LASP1: variants seen among roughly 807,000 people sequenced by gnomAD.
LASP1 encodes the protein LIM and SH3 domain protein 1.
In LASP1, 10 loss-of-function variants were observed where a neutral mutation model predicts 38.6. That is an observed-to-expected ratio of 0.26 (90% confidence interval 0.16 to 0.44). The LOEUF is 0.44. Ranked by LOEUF, LASP1 falls within the 20% of genes least tolerant of loss-of-function variation. The probability of loss-of-function intolerance (pLI) is 1.00; values close to 1 mark genes in which losing one functional copy is unlikely to be tolerated. For missense variants in LASP1, 243 were observed against 375.7 expected (o/e 0.65, Z 2.92); for synonymous variants, 132 against 140.8 (o/e 0.94, Z 0.44).
At chr17:38,883,296 C>T (rs558423420) in intron 2 of LASP1, among the ~76,000 whole-genome samples, 2 of 152,200 alleles carry the variant, frequency 1.3e-5, no homozygotes, top group South Asian at 4.1e-4. Context: ...AGGAGGATTA[C>T]TTGAGTCTGG....
intron 4 of LASP1, 163 bp downstream of exon 4, chr17:38,898,682 C>T (rs750355011): frequency 1.5e-6 from 1 of 680,476 alleles, no homozygotes; most frequent in Non-Finnish European, 2.7e-6. Flanking sequence ...TCCCAGATGC[C>T]TCTTCTCTGT....
At chr17:38,878,596 TTC>T (rs1913850369) in intron 2 of LASP1, among the ~76,000 whole-genome samples, 1 of 152,180 alleles carries the variant, frequency 6.6e-6, no homozygotes, top group African/African-American at 2.4e-5. Context: ...GAGGACTTTG[TTC>T]TGTTTACCTT....
chr17:38,898,532 C>T lies in LASP1; in HGVS notation c.357+13C>T, dbSNP rs115706870. The stretch of plus-strand genomic sequence containing the variant: ...CCAGATCAGTAACGTGAGCTCTTGC[C>T]CTGCCCTGCGGCATCCCTGCTGCCC... On this transcript the variant is annotated intron_variant, in intron 4 of 6. Coordinates refer to ENST00000318008, the MANE Select transcript of LASP1 (RefSeq NM_006148.4). 2.2e-3 allele frequency: 3,330 copies of T among 1,530,850 alleles called. 58 individuals carry two copies. In the African/African-American group the frequency reaches 0.04, roughly 18 times the overall value. 94.8% of individuals were successfully genotyped at this position (1,530,850 alleles called of 1,614,324 possible).
At chr17:38,871,048 C>A (rs1053290743) in intron 1 of LASP1, among the ~76,000 whole-genome samples, 1 of 150,102 alleles carries the variant, frequency 6.7e-6, no homozygotes, top group Admixed American at 6.7e-5. Context: ...GCCAGGAGAC[C>A]GTGTGGAAGA....
intron 3 of LASP1, 29 bp downstream of exon 3, chr17:38,890,533 G>C: frequency 2.5e-6 from 4 of 1,598,162 alleles, no homozygotes; most frequent in Non-Finnish European, 3.4e-6. Flanking sequence ...CTGGGGCCTG[G>C]CAGGGAGGGA....
rs1915254663 is a variant in LASP1, at chr17:38,920,014, T to A, written c.*1236T>A. 1.9e-6 allele frequency: 1 copy of A among 535,230 alleles called. No homozygotes were observed. The allele number at this position is 535,230 out of a possible 1,614,324, so 33.2% of individuals were successfully genotyped here. A position where few individuals can be genotyped will look rare whatever the true frequency, so the allele number is the denominator to read the frequency against. The stretch of plus-strand genomic sequence containing the variant: ...ACCCACAGTGAGAGGGGAGGGCTCC[T>A]GGGGCAGAGAAGTTCCTTAGGTTTT... On this transcript the variant is annotated 3_prime_UTR_variant, in exon 7 of 7. Transcript: ENST00000318008.
intron 4 of LASP1, among the ~76,000 whole-genome samples, chr17:38,905,496 A>G (rs2143805980): frequency 6.9e-6 from 1 of 143,922 alleles, no homozygotes; most frequent in East Asian, 2.1e-4. Context: ...GCACCACTGC[A>G]TTCCAGCCTG....
chr17:38,900,384 A>AAAAAAAAAAAAG (rs1914609292), intron 4 of LASP1, among the ~76,000 whole-genome samples: 2 of 150,184 alleles, frequency 1.3e-5, no homozygotes, highest in African/African-American at 4.9e-5. Context: ...TGTTTCCAAA[A>AAAAAAAAAAAAG]AAAAAAAGGA....
In LASP1 at chr17:38,903,834, G is replaced by A. The variant is rs546056365; in HGVS notation, c.357+5315G>A. On this transcript the variant is annotated intron_variant, in intron 4 of 6. Transcript: ENST00000318008. ...TGTGTGGAAGTGAGGAAAGGGGCCA[G>A]TATATTACACATCTATGGTGAGTAG... 8 of 152,376 alleles carry A rather than the reference G, an allele frequency of 5.3e-5. No homozygotes were observed. In the South Asian group the frequency reaches 1.4e-3, roughly 28 times the overall value. The allele number at this position is 152,376 out of a possible 1,614,324, so 9.4% of individuals were successfully genotyped here.
At chr17:38,884,762 C>T (rs900183685) in intron 2 of LASP1, among the ~76,000 whole-genome samples, 7 of 140,370 alleles carry the variant, frequency 5.0e-5, no homozygotes, top group African/African-American at 1.9e-4. Context: ...GTGATCTCGG[C>T]TCACTACAAC....
rs2143826892 is a variant in LASP1 at position 38,914,396 on chromosome 17, T to C, written c.429T>C (p.Arg143=). The C allele has an allele frequency of 1.9e-6, 3 of 1,611,966 alleles. No homozygotes were observed. Among genetic ancestry groups the C allele is most frequent in the Non-Finnish European group, 2.5e-6 (3 of 1,179,938 alleles). Residue 143 remains arginine (R), a synonymous_variant, in exon 5 of 7, where the codon CGT becomes CGC. Transcript: ENST00000318008. ...PSGGEGMEPE[R]RDSQDGSSYR... ...GGGGCGAGGGCATGGAGCCAGAGCG[T>C]CGGGATTCACAGGACGGCAGCAGCT... is the stretch of plus-strand genomic sequence containing the variant.
rs574694537 is a variant in LASP1 at position 38,921,197 on chromosome 17, G to T, written c.*2419G>T. ...ACAGAGCCCTGAGGGGCTGGGCTGG[G>T]CTGGGCTGAGCCCCTGGTCTTCTCT... On this transcript the variant is annotated 3_prime_UTR_variant, in exon 7 of 7. Transcript: ENST00000318008. 2.2e-5 allele frequency: 5 copies of T among 229,444 alleles called. No individual in the cohort carries two copies. The East Asian group carries it at 3.1e-4, about 14-fold the overall frequency. 14.2% of individuals were successfully genotyped at this position (229,444 alleles called of 1,614,324 possible). A position where few individuals can be genotyped will look rare whatever the true frequency, so the allele number is the denominator to read the frequency against.
intron 3 of LASP1, among the ~76,000 whole-genome samples, chr17:38,894,058 G>A (rs1914416636): frequency 6.6e-6 from 1 of 152,026 alleles, no homozygotes; most frequent in Non-Finnish European, 1.5e-5. Context: ...CCTCCCCTGT[G>A]GAGGAGGTAA....
At chr17:38,881,921 C>T (rs1913963038) in intron 2 of LASP1, among the ~76,000 whole-genome samples, 1 of 152,224 alleles carries the variant, frequency 6.6e-6, no homozygotes, top group Non-Finnish European at 1.5e-5. Context: ...GTAAAGTAGG[C>T]AGTGAAAAGG....
intron 1 of LASP1, among the ~76,000 whole-genome samples, chr17:38,871,592 A>G (rs555824315): frequency 3.3e-5 from 5 of 151,898 alleles, no homozygotes; most frequent in South Asian, 2.1e-4. Context: ...TCAGGAGAGG[A>G]TAGTTTATTG....
intron 1 of LASP1, among the ~76,000 whole-genome samples, chr17:38,872,500 C>T (rs1913639236): frequency 6.6e-6 from 1 of 152,152 alleles, no homozygotes; most frequent in Non-Finnish European, 1.5e-5. Context: ...GCCCCCTGTA[C>T]TGAGCAGGAG....
intron 2 of LASP1, among the ~76,000 whole-genome samples, chr17:38,887,638 C>G (rs1021230269): frequency 6.6e-6 from 1 of 152,148 alleles, no homozygotes; most frequent in African/African-American, 2.4e-5. Context: ...CAGGTGAGGG[C>G]TGGGGGACGG....
intron 2 of LASP1, among the ~76,000 whole-genome samples, chr17:38,887,688 G>A (rs1914182354): frequency 6.6e-6 from 1 of 152,170 alleles, no homozygotes; most frequent in Non-Finnish European, 1.5e-5. Context: ...AGTGAAACTG[G>A]CCCAAGGGAA....
chr17:38,912,236 C>T (rs2143821362), intron 4 of LASP1, among the ~76,000 whole-genome samples: 1 of 152,364 alleles, frequency 6.6e-6, no homozygotes, highest in Admixed American at 6.5e-5. Context: ...GGGGCCGGTT[C>T]TGGGCTGGCC....
Sources: allele counts gnomAD v4.1 joint callset (sites outside exome capture counted in the v4.1 genomes callset), GRCh38; gene constraint gnomAD v4.1.1; transcripts MANE v1.5; gene names NCBI Gene and HGNC (gene_info 2026-07-23, HGNC 2026-07-21).